CTSZ: variants seen among roughly 807,000 people sequenced by gnomAD.
CTSZ encodes the protein cathepsin Z.
In CTSZ, 39 loss-of-function variants were observed where a neutral mutation model predicts 32.4. That is an observed-to-expected ratio of 1.20 (90% CI 0.93 to 1.57). The LOEUF is 1.57. Ranked by LOEUF, CTSZ falls within the 40% of genes most tolerant of loss-of-function variation. The pLI is 0.00. For missense variants in CTSZ, 397 were observed against 419.6 expected (o/e 0.95, Z 0.47); for synonymous variants, 168 against 170.1 (o/e 0.99, Z 0.10).
At position 58,996,722 on chromosome 20, in the gene CTSZ, T is replaced by TTA. The variant is rs773739931; in HGVS notation, c.716_717dup (p.Asn240Ter). 1 of 1,614,152 alleles carries TTA rather than the reference T, an allele frequency of 6.2e-7. No homozygotes were observed. The highest frequency in any genetic ancestry group is 2.2e-5 in the East Asian group (1 of 44,882). ...CACCCAGCCACAGAAACGACATGGT[T>TTA]TATATATGTGGTGTCCTGGTATTCG... On this transcript the variant is annotated frameshift_variant, in exon 5 of 6. Transcript: ENST00000217131. LOFTEE classifies it high-confidence loss of function.
At chr20:58,997,840 C>G in intron 3 of CTSZ, 87 bp from the exon 4 acceptor site, 1 of 1,228,174 alleles carries the variant, frequency 8.1e-7, no homozygotes, top group Non-Finnish European at 1.1e-6. Context: ...TCTCCACTCT[C>G]ATCATGCAGC....
intron 2 of CTSZ, among the ~76,000 whole-genome samples, chr20:59,005,723 T>A (rs2091906277): frequency 6.6e-6 from 1 of 152,178 alleles, no homozygotes; most frequent in South Asian, 2.1e-4. Flanking sequence ...GGGGTGGGCC[T>A]GGGGCTGGTT....
rs755616979 is a variant in CTSZ at position 58,997,586 on chromosome 20, G to C, written c.638+17C>G. ...CTCACCCGCAAACCTCTCTTTGCCCGCGGGACCTCTCCTCACCTGATGGGA... is the reference window on the plus strand; with the variant it reads ...CTCACCCGCAAACCTCTCTTTGCCCCCGGGACCTCTCCTCACCTGATGGGA... On this transcript the variant is annotated intron_variant, in intron 4 of 5. Coordinates refer to ENST00000217131, the MANE Select transcript of CTSZ (RefSeq NM_001336.4). 2.6e-6 allele frequency: 4 copies of C among 1,532,344 alleles called. No homozygotes were observed. In the South Asian group the frequency reaches 5.0e-5, roughly 19 times the overall value. 94.9% of individuals were successfully genotyped at this position (1,532,344 alleles called of 1,614,324 possible).
chr20:58,996,039 GCTA>G (rs2091858239), intron 5 of CTSZ, among the ~76,000 whole-genome samples: 1 of 152,184 alleles, frequency 6.6e-6, no homozygotes, highest in Non-Finnish European at 1.5e-5. Context: ...GCCTCCTCCA[GCTA>G]CTACTACCCC....
intron 3 of CTSZ, among the ~76,000 whole-genome samples, chr20:59,000,807 A>C (rs960388642): frequency 6.6e-6 from 1 of 151,100 alleles, no homozygotes; most frequent in Non-Finnish European, 1.5e-5. Flanking sequence ...ACGAGGCTGG[A>C]GACATGGGGA....
rs2091911299 is a variant in CTSZ, at chr20:59,006,994, C to A, written c.135G>T (p.Leu45=). 1 of 1,462,196 alleles carries A rather than the reference C, an allele frequency of 6.8e-7. No individual in the cohort carries two copies. Among genetic ancestry groups the A allele is most frequent in the South Asian group, 1.3e-5 (1 of 76,130 alleles). The allele number at this position is 1,462,196 out of a possible 1,614,324, so 90.6% of individuals were successfully genotyped here. The stretch of plus-strand genomic sequence containing the variant: ...TCCCCGCCGGTGCCCACCTGCGCCC[C>A]AGCGGAGCCAGCCCGTCCCCCCGCA... ...RPLRGDGLAP[L]GRSTYPRPHE... The change falls in exon 1 of 6, where the codon CTG becomes CTT. Residue 45 remains leucine, a synonymous_variant. Coordinates refer to ENST00000217131, the MANE Select transcript of CTSZ (RefSeq NM_001336.4).
intron 3 of CTSZ, among the ~76,000 whole-genome samples, chr20:59,000,697 C>T (rs2091885053): frequency 6.6e-6 from 1 of 152,184 alleles, no homozygotes; most frequent in Non-Finnish European, 1.5e-5. Context: ...TACACCTCTC[C>T]CCTACAAAGG....
At chr20:58,997,319 C>T (rs558143318) in intron 4 of CTSZ, 6 of 301,184 alleles carry the variant, frequency 2.0e-5, no homozygotes, top group East Asian at 1.9e-4. Context: ...GCGTCTCATC[C>T]GCATTCCGCA....
At chr20:59,005,199 G>C (rs978552807) in intron 2 of CTSZ, among the ~76,000 whole-genome samples, 1 of 152,100 alleles carries the variant, frequency 6.6e-6, no homozygotes, top group Non-Finnish European at 1.5e-5. Flanking sequence ...ACGATCAGAA[G>C]TGTGTTCCAG....
chr20:58,995,836 CCTGCTTT>C (rs1478244026), intron 5 of CTSZ, 77 bp from the exon 6 acceptor site: 3 of 1,324,000 alleles, frequency 2.3e-6, no homozygotes, highest in Non-Finnish European at 2.1e-6. Context: ...CCCCCTGCCC[CCTGCTTT>C]CTGCCTCCAT....
Position 59,007,232 on chromosome 20 carries a change from G to C in CTSZ, c.-104C>G, listed in dbSNP as rs2091913473. Reference sequence around the variant, plus strand: ...CCGCCCCGGCCTCGGCCTCGGCCCAGCACCCGGCCGACCCCGCACTTTGGG... The same window carrying C: ...CCGCCCCGGCCTCGGCCTCGGCCCACCACCCGGCCGACCCCGCACTTTGGG... On this transcript the variant is annotated 5_prime_UTR_variant, in exon 1 of 6. Transcript: ENST00000217131. 8.0e-7 allele frequency: 1 copy of C among 1,257,390 alleles called. No individual in the cohort carries two copies. Among genetic ancestry groups the C allele is most frequent in the Admixed American group, 4.3e-5 (1 of 23,002 alleles). The allele number at this position is 1,257,390 out of a possible 1,614,324, so 77.9% of individuals were successfully genotyped here.
At chr20:58,996,239 T>C (rs1451952148) in intron 5 of CTSZ, among the ~76,000 whole-genome samples, 1 of 152,210 alleles carries the variant, frequency 6.6e-6, no homozygotes, top group Non-Finnish European at 1.5e-5. Context: ...CACAGTATTT[T>C]AGGGGAGCCC....
At position 59,002,172 on chromosome 20, in the gene CTSZ, C is replaced by T. The variant is rs2091892516; in HGVS notation, c.308-528G>A. Among the ~76,000 whole-genome samples, 1 of 152,214 alleles carries T rather than the reference C, an allele frequency of 6.6e-6. No individual in the cohort carries two copies. Among genetic ancestry groups the T allele is most frequent in the Non-Finnish European group, 1.5e-5 (1 of 68,018 alleles). On this transcript the variant is annotated intron_variant, in intron 2 of 5. Coordinates refer to ENST00000217131, the MANE Select transcript of CTSZ (RefSeq NM_001336.4). This position sits in a 1 kb window ranked among gnomAD's most constrained non-coding sequence, Gnocchi z 4.1. ...CTGGGGAAGGCCAGCAGGGACCCAG[C>T]CCCGAAGGCACTGGGGGATGCAGAG...
At chr20:58,996,937 G>A (rs1321931242) in intron 4 of CTSZ, 136 bp from the exon 5 acceptor site, 6 of 893,822 alleles carry the variant, frequency 6.7e-6, no homozygotes, top group East Asian at 2.7e-5. Flanking sequence ...CAGGTGGATC[G>A]CTTGAGTCCA....
Position 59,007,230 on chromosome 20 carries a change from C to CTGGCCT in CTSZ, c.-103_-102insAGGCCA, listed in dbSNP as rs71181993. Reference sequence around the variant, plus strand: ...TCCCGCCCCGGCCTCGGCCTCGGCCCAGCACCCGGCCGACCCCGCACTTTG... The same window carrying CTGGCCT: ...TCCCGCCCCGGCCTCGGCCTCGGCCCTGGCCTAGCACCCGGCCGACCCCGCACTTTG... On this transcript the variant is annotated 5_prime_UTR_variant, in exon 1 of 6. Transcript: ENST00000217131. 8.7e-6 allele frequency: 11 copies of CTGGCCT among 1,262,612 alleles called. No individual in the cohort carries two copies. The highest frequency in any genetic ancestry group is 7.0e-6 in the Non-Finnish European group (7 of 1,006,796). The allele number at this position is 1,262,612 out of a possible 1,614,324, so 78.2% of individuals were successfully genotyped here.
At chr20:58,999,282 C>T (rs1238876703) in intron 3 of CTSZ, among the ~76,000 whole-genome samples, 3 of 152,092 alleles carry the variant, frequency 2.0e-5, no homozygotes, top group African/African-American at 4.8e-5. Context: ...GTGATCCGCC[C>T]GCCTCAGCCT....
At chr20:59,006,283 T>TGGGCCC (rs2091908279) in intron 2 of CTSZ, 39 bp downstream of exon 2, 1 of 1,552,544 alleles carries the variant, frequency 6.4e-7, no homozygotes, top group South Asian at 1.2e-5. Flanking sequence ...GCAGCCGGGA[T>TGGGCCC]GGGCTTTCCT....
Position 58,995,591 on chromosome 20 carries a change from C to T in CTSZ, c.*58G>A. The T allele has an allele frequency of 6.8e-7, 1 of 1,468,954 alleles. No individual in the cohort carries two copies. The highest frequency in any genetic ancestry group is 9.5e-7 in the Non-Finnish European group (1 of 1,049,648). 91.0% of individuals were successfully genotyped at this position (1,468,954 alleles called of 1,614,324 possible). ...AGCCTGGCACACATAACCATAGGAT[C>T]CCCTCTGGTCATGGGTCACCATGCC... On this transcript the variant is annotated 3_prime_UTR_variant, in exon 6 of 6. Coordinates refer to ENST00000217131, the MANE Select transcript of CTSZ (RefSeq NM_001336.4).
chr20:59,006,368 T>G lies in CTSZ; in HGVS notation c.261A>C (p.Gln87His). Residue 87 changes from glutamine to histidine, a missense_variant, in exon 2 of 6, where the codon CAA (glutamine) becomes CAC (histidine). By Grantham distance (24) the Gln-to-His change is conservative. Coordinates refer to ENST00000217131, the MANE Select transcript of CTSZ (RefSeq NM_001336.4). Reference protein sequence around the residue: ...ASITRNQHIPQYCGSCWAHAS... With the variant: ...ASITRNQHIPHYCGSCWAHAS... ...CGTGGGCCCAGCAGGAGCCGCAGTATTGGGGGATGTGCTGGTTCCGGGTGA... is the reference window on the plus strand; with the variant it reads ...CGTGGGCCCAGCAGGAGCCGCAGTAGTGGGGGATGTGCTGGTTCCGGGTGA... 1 of 1,613,758 alleles carries G rather than the reference T, an allele frequency of 6.2e-7. No individual in the cohort carries two copies. Among genetic ancestry groups the G allele is most frequent in the Non-Finnish European group, 8.5e-7 (1 of 1,179,968 alleles).
Sources: allele counts gnomAD v4.1 joint callset (sites outside exome capture counted in the v4.1 genomes callset), GRCh38; gene constraint gnomAD v4.1.1; non-coding constraint Gnocchi (gnomAD v3.1); transcripts MANE v1.5; gene names NCBI Gene and HGNC (gene_info 2026-07-23, HGNC 2026-07-21).